The following KCNK13 variants were observed in gnomAD, a reference collection of about 807,000 sequenced individuals.
KCNK13 encodes the protein potassium channel subfamily K member 13.
KCNK13 carries 12 observed loss-of-function variants against 23.4 expected under a neutral mutation model. The ratio of observed to expected loss-of-function variants is 0.51; its 90% CI spans 0.33 to 0.83. KCNK13 has a LOEUF of 0.83. Ranked by LOEUF, KCNK13 falls within the 40% of genes least tolerant of loss-of-function variation. The pLI is 0.02. For missense variants in KCNK13, 463 were observed against 556.3 expected, an observed-to-expected ratio of 0.83 and a Z score of 1.69; for synonymous variants, 231 against 229.5, an observed-to-expected ratio of 1.01 and a Z score of -0.06.
At chr14:90,096,640 A>G (rs1889414350) in intron 1 of KCNK13, among the ~76,000 whole-genome samples, 1 of 152,224 alleles carries the variant, frequency 6.6e-6, no homozygotes, top group Admixed American at 6.5e-5. Context: ...CAAATTGTTG[A>G]TTGTATTGTA....
intron 1 of KCNK13, among the ~76,000 whole-genome samples, chr14:90,113,810 G>A (rs1425623275): frequency 2.0e-5 from 3 of 152,120 alleles, no homozygotes; most frequent in Non-Finnish European, 2.9e-5. Context: ...GCATGTGCCT[G>A]TAGTCCCAGC....
intron 1 of KCNK13, among the ~76,000 whole-genome samples, chr14:90,074,081 C>T (rs1420392135): frequency 3.9e-5 from 6 of 152,028 alleles, no homozygotes; most frequent in Non-Finnish European, 5.9e-5. Flanking sequence ...GTGATTCTTC[C>T]ACCTTAGCCT....
At chr14:90,091,072 G>A (rs1159154414) in intron 1 of KCNK13, among the ~76,000 whole-genome samples, 2 of 152,102 alleles carry the variant, frequency 1.3e-5, no homozygotes, top group Non-Finnish European at 2.9e-5. Flanking sequence ...CCTGTCCCTT[G>A]GCTCAAGTGC....
intron 1 of KCNK13, among the ~76,000 whole-genome samples, chr14:90,154,077 T>C (rs1264606600): frequency 6.6e-6 from 1 of 152,196 alleles, no homozygotes; most frequent in African/African-American, 2.4e-5. Flanking sequence ...CCTTTGCTTC[T>C]GCCTGACCCT....
intron 1 of KCNK13, among the ~76,000 whole-genome samples, chr14:90,123,635 AG>A (rs1889764362): frequency 6.6e-6 from 1 of 152,140 alleles, no homozygotes; most frequent in African/African-American, 2.4e-5. Flanking sequence ...TATTAGTAGT[AG>A]TAGTAGTATT....
intron 1 of KCNK13, among the ~76,000 whole-genome samples, chr14:90,098,453 C>A (rs1889436831): frequency 6.6e-6 from 1 of 152,120 alleles, no homozygotes; most frequent in Admixed American, 6.5e-5. Context: ...ACCATGAAAA[C>A]CCCATCTACG....
At chr14:90,086,337 T>C (rs1437989455) in intron 1 of KCNK13, among the ~76,000 whole-genome samples, 3 of 152,150 alleles carry the variant, frequency 2.0e-5, no homozygotes, top group Non-Finnish European at 4.4e-5. Context: ...TTTCCCCCAT[T>C]CTATAGGTGA....
intron 1 of KCNK13, among the ~76,000 whole-genome samples, chr14:90,074,596 T>C (rs2140391184): frequency 6.6e-6 from 1 of 152,368 alleles, no homozygotes; most frequent in East Asian, 1.9e-4. Flanking sequence ...ATTTCTAAAA[T>C]TATCACATAG....
At chr14:90,172,428 C>A (rs141078569) in intron 1 of KCNK13, among the ~76,000 whole-genome samples, 2 of 152,004 alleles carry the variant, frequency 1.3e-5, no homozygotes, top group African/African-American at 4.8e-5. Flanking sequence ...GCGAGGTGAC[C>A]GAAATTGTTA....
intron 1 of KCNK13, among the ~76,000 whole-genome samples, chr14:90,111,940 C>G (rs1889619717): frequency 6.6e-6 from 1 of 152,106 alleles, no homozygotes; most frequent in South Asian, 2.1e-4. Flanking sequence ...AGAGAGAATC[C>G]ACTCCTCCCG....
chr14:90,138,143 A>AT (rs1417898855), intron 1 of KCNK13, among the ~76,000 whole-genome samples: 2 of 152,196 alleles, frequency 1.3e-5, no homozygotes, highest in Admixed American at 6.5e-5. Flanking sequence ...TTTCCATGCT[A>AT]TTTTTTTCAA....
intron 1 of KCNK13, among the ~76,000 whole-genome samples, chr14:90,121,402 C>T (rs1384052436): frequency 6.6e-6 from 1 of 152,120 alleles, no homozygotes; most frequent in African/African-American, 2.4e-5. Context: ...TCAGGAAAAC[C>T]TTCTGGGGAG....
intron 1 of KCNK13, among the ~76,000 whole-genome samples, chr14:90,078,739 A>G (rs1247019730): frequency 6.6e-6 from 1 of 152,166 alleles, no homozygotes; most frequent in Non-Finnish European, 1.5e-5. Context: ...GGAGCTGATA[A>G]AATAGCAATC....
intron 1 of KCNK13, among the ~76,000 whole-genome samples, chr14:90,104,032 C>A (rs1554116): frequency 0.49 from 74,201 of 151,996 alleles, 18,264 homozygotes; most frequent in Middle Eastern, 0.57. Context: ...TTCCTGAAGA[C>A]CCTGTCTTTC....
At chr14:90,086,640 G>A (rs1379767536) in intron 1 of KCNK13, among the ~76,000 whole-genome samples, 2 of 152,288 alleles carry the variant, frequency 1.3e-5, no homozygotes, top group East Asian at 1.9e-4. Context: ...TAAGGAAGAC[G>A]TCTGGGGGTC....
At chr14:90,068,514 C>T (rs1373603196) in intron 1 of KCNK13, among the ~76,000 whole-genome samples, 3 of 152,116 alleles carry the variant, frequency 2.0e-5, no homozygotes, top group Non-Finnish European at 4.4e-5. Context: ...AGGAGGATCA[C>T]TTGAGCCCAG....
At chr14:90,137,924 G>C (rs570791354) in intron 1 of KCNK13, among the ~76,000 whole-genome samples, 5 of 152,184 alleles carry the variant, frequency 3.3e-5, no homozygotes, top group Non-Finnish European at 5.9e-5. Context: ...TTAGCGTGAA[G>C]ACAGGATCGG....
At chr14:90,181,217 C>A (rs1890481855) in intron 1 of KCNK13, among the ~76,000 whole-genome samples, 6 of 152,196 alleles carry the variant, frequency 3.9e-5, no homozygotes, top group Admixed American at 3.9e-4. Flanking sequence ...AGGACTATGT[C>A]TGTGTCATCT....
chr14:90,120,327 C>T (rs1889724021), intron 1 of KCNK13, among the ~76,000 whole-genome samples: 1 of 152,182 alleles, frequency 6.6e-6, no homozygotes, highest in South Asian at 2.1e-4. Context: ...GACCAAGTCT[C>T]CCCACAAGAG....
Sources: gnomAD v4.1 joint callset for allele counts (sites outside exome capture counted in the v4.1 genomes callset) on GRCh38, gnomAD v4.1.1 for gene constraint, MANE v1.5 for transcripts, NCBI Gene and HGNC (gene_info 2026-07-23, HGNC 2026-07-21) for gene names.